EPG5: variants seen among roughly 807,000 people sequenced by gnomAD.
EPG5 encodes ectopic P-granules 5 autophagy tethering factor.
EPG5 carries 159 observed loss-of-function variants against 302.7 expected under a neutral mutation model. That is an observed-to-expected ratio of 0.53 (90% confidence interval 0.46 to 0.60). EPG5 has a LOEUF of 0.60. Ranked by LOEUF, EPG5 falls within the 20% of genes least tolerant of loss-of-function variation. The pLI, the probability that EPG5 is intolerant of heterozygous loss-of-function variation, is 0.00. For missense variants in EPG5, 2,896 were observed against 3,092.4 expected, an observed-to-expected ratio of 0.94 and a Z score of 1.51; for synonymous variants, 1,158 against 1,136.8, an observed-to-expected ratio of 1.02 and a Z score of -0.37.
At chr18:45,916,659 A>T in intron 17 of EPG5, 77 bp from the exon 18 acceptor site, 1 of 1,430,698 alleles carries the variant, frequency 7.0e-7, no homozygotes, top group Non-Finnish European at 9.3e-7. Flanking sequence ...CTTATGAGGA[A>T]ACAGAAAATT....
chr18:45,910,377 G>A, intron 23 of EPG5, 144 bp downstream of exon 23: 1 of 592,652 alleles, frequency 1.7e-6, no homozygotes, highest in African/African-American at 1.9e-5. Flanking sequence ...ATTTCAAGAT[G>A]CAAATCTATA....
intron 27 of EPG5, among the ~76,000 whole-genome samples, chr18:45,894,122 G>A (rs956148491): frequency 4.6e-5 from 7 of 152,142 alleles, no homozygotes; most frequent in Non-Finnish European, 8.8e-5. Flanking sequence ...AATGAGTGGT[G>A]TGTTACAAAT....
At chr18:45,885,733 T>C (rs1475628821) in intron 29 of EPG5, among the ~76,000 whole-genome samples, 3 of 152,082 alleles carry the variant, frequency 2.0e-5, no homozygotes, top group Non-Finnish European at 4.4e-5. Flanking sequence ...TTAACTTCTA[T>C]AAGGCAAAAA....
At chr18:45,918,980 G>C (rs1403844439) in intron 16 of EPG5, among the ~76,000 whole-genome samples, 2 of 151,998 alleles carry the variant, frequency 1.3e-5, no homozygotes, top group African/African-American at 4.8e-5. Flanking sequence ...ATTGTGCAAA[G>C]GTTATGCCAC....
rs566726421 is a variant in EPG5 at position 45,953,904 on chromosome 18, A to G, written c.1008+490T>C. On this transcript the variant is annotated intron_variant, in intron 2 of 43. Transcript: ENST00000282041. ...TTCCTCATCCCTTCTCAACCTTGAC[A>G]CTCTCTTCCCATTGGATGTTGGTAG... The G allele has an allele frequency of 3.6e-4, 357 of 984,962 alleles. 1 individual carries two copies. Among genetic ancestry groups the G allele is most frequent in the Admixed American group, 4.3e-4 (7 of 16,228 alleles). The allele number at this position is 984,962 out of a possible 1,614,324, so 61.0% of individuals were successfully genotyped here. A position where few individuals can be genotyped will look rare whatever the true frequency, so the allele number is the denominator to read the frequency against.
chr18:45,895,302 T>A (rs143064238), intron 27 of EPG5, among the ~76,000 whole-genome samples: 1 of 152,260 alleles, frequency 6.6e-6, no homozygotes, highest in Non-Finnish European at 1.5e-5. Flanking sequence ...TCAGGTAGAA[T>A]GAGGCAGGTG....
At chr18:45,825,300 G>C in the EPG5 span, among the ~76,000 whole-genome samples, 22 of 148,616 alleles carry the variant, frequency 1.5e-4, no homozygotes, top group African/African-American at 5.5e-4. Context: ...GGGAGAAAGG[G>C]AGGAAGAGAG....
At chr18:45,810,586 G>A in the EPG5 span, among the ~76,000 whole-genome samples, 1 of 152,126 alleles carries the variant, frequency 6.6e-6, no homozygotes, top group Non-Finnish European at 1.5e-5. Context: ...CCCAAGGCTA[G>A]CCTGGCTAAC....
At chr18:45,842,027 C>T in the EPG5 span, 12 of 1,303,724 alleles carry the variant, frequency 9.2e-6, no homozygotes, top group Admixed American at 1.9e-4. Context: ...CTCTTCTTGG[C>T]CCACTGCTGG....
At chr18:45,915,170 C>G (rs1273583509) in intron 20 of EPG5, among the ~76,000 whole-genome samples, 1 of 151,510 alleles carries the variant, frequency 6.6e-6, no homozygotes, top group Non-Finnish European at 1.5e-5. Flanking sequence ...CCCAGCTACT[C>G]GGGAGGCTGT....
chr18:45,885,693 A>G (rs1774398223), intron 29 of EPG5, among the ~76,000 whole-genome samples: 1 of 152,238 alleles, frequency 6.6e-6, no homozygotes, highest in Non-Finnish European at 1.5e-5. Context: ...ATAAAAGAAC[A>G]AGACTGATAG....
the EPG5 span, chr18:45,838,935 G>T: frequency 1.2e-6 from 2 of 1,604,718 alleles, no homozygotes; most frequent in Admixed American, 3.3e-5. Flanking sequence ...ACACGTGTAC[G>T]GCCGCCAACA....
At chr18:45,901,964 A>G (rs1427639067) in intron 25 of EPG5, among the ~76,000 whole-genome samples, 1 of 152,180 alleles carries the variant, frequency 6.6e-6, no homozygotes, top group East Asian at 1.9e-4. Flanking sequence ...CACTATACAC[A>G]TACCACACAG....
chr18:45,887,889 GTAGGCA>G lies in EPG5; in HGVS notation c.4965_4970del (p.Ala1656_Tyr1657del). On this transcript the variant is annotated inframe_deletion, in exon 29 of 44. Coordinates refer to ENST00000282041, the MANE Select transcript of EPG5 (RefSeq NM_020964.3). Reference sequence around the variant, plus strand: ...GAATCCCAGGTGTAGGCTGCAACTTGTAGGCATTCACTAAGGCCCTGTGGGAAAATG... The same window carrying G: ...GAATCCCAGGTGTAGGCTGCAACTTGTTCACTAAGGCCCTGTGGGAAAATG... 6.3e-7 allele frequency: 1 copy of G among 1,581,938 alleles called. No individual in the cohort carries two copies. Among genetic ancestry groups the G allele is most frequent in the South Asian group, 1.1e-5 (1 of 88,136 alleles).
intron 1 of EPG5, among the ~76,000 whole-genome samples, chr18:45,965,382 A>T (rs777995266): frequency 6.6e-6 from 1 of 152,222 alleles, no homozygotes; most frequent in Non-Finnish European, 1.5e-5. Context: ...AATAATCTGC[A>T]CACTAAACCA....
At chr18:45,961,859 A>G (rs1412879787) in intron 1 of EPG5, among the ~76,000 whole-genome samples, 1 of 107,708 alleles carries the variant, frequency 9.3e-6, no homozygotes, top group African/African-American at 4.3e-5. Flanking sequence ...ACTCTGTCCC[A>G]AAAAAAAAAA....
chr18:45,880,144 C>G lies in EPG5; in HGVS notation c.5598G>C (p.Gln1866His). The G allele has an allele frequency of 6.2e-7, 1 of 1,611,528 alleles. No homozygotes were observed. Among genetic ancestry groups the G allele is most frequent in the Non-Finnish European group, 8.5e-7 (1 of 1,178,532 alleles). Residue 1866 changes from glutamine (Q) to histidine (H), a missense_variant, in exon 32 of 44, where the codon CAG becomes CAC. This residue lies in a region of EPG5 where 790 missense variants were observed against 798.0 expected (regional missense o/e 0.99). Transcript: ENST00000282041. ...CGCCCTCGGTGGACGCTGCCCCCTG[C>G]TGGCAGCTGGGGGCGCAGCAGCCCA... ...RALGCCAPSCQQGAASTEGAV... is the reference protein window; with the variant it reads ...RALGCCAPSCHQGAASTEGAV...
At chr18:45,902,120 C>T (rs1479920838) in intron 25 of EPG5, among the ~76,000 whole-genome samples, 1 of 152,116 alleles carries the variant, frequency 6.6e-6, no homozygotes, top group Admixed American at 6.6e-5. Flanking sequence ...AGTGAATTTC[C>T]GATTACATTC....
chr18:45,844,609 G>T (rs116503224), downstream of EPG5, among the ~76,000 whole-genome samples: 529 of 152,286 alleles, frequency 3.5e-3, 2 homozygotes, highest in African/African-American at 0.012. Context: ...AAGGTCAAGG[G>T]ATCTTCACAA....
Sources: allele counts gnomAD v4.1 joint callset (sites outside exome capture counted in the v4.1 genomes callset), GRCh38; gene constraint gnomAD v4.1.1; regional missense constraint gnomAD v4.1.1; transcripts MANE v1.5; gene names NCBI Gene and HGNC (gene_info 2026-07-23, HGNC 2026-07-21).